The following FER variants were observed in gnomAD, a reference collection of about 807,000 sequenced individuals.
The protein encoded by FER is FER tyrosine kinase.
FER carries 63 observed loss-of-function variants against 111.0 expected under a neutral mutation model. That is an observed-to-expected ratio of 0.57 (90% CI 0.46 to 0.70). The LOEUF (loss-of-function observed/expected upper bound fraction) is 0.70, where lower values mean the gene tolerates loss of function less well. Among genes scored for constraint, FER ranks in the 30% least tolerant of loss-of-function variants. FER has a pLI of 0.00. For missense variants in FER, 914 were observed against 954.0 expected (o/e 0.96, Z 0.55); for synonymous variants, 327 against 313.9 (o/e 1.04, Z -0.44).
intron 3 of FER, among the ~76,000 whole-genome samples, chr5:108,827,815 T>C (rs1289007984): frequency 1.5e-5 from 2 of 137,574 alleles, no homozygotes; most frequent in Admixed American, 1.7e-4. Context: ...ACAGATGGAG[T>C]TAGTATCTTT....
chr5:108,771,232 C>T (rs1052016466), intron 2 of FER, among the ~76,000 whole-genome samples: 1 of 152,122 alleles, frequency 6.6e-6, no homozygotes, highest in Admixed American at 6.5e-5. Context: ...CCATGCCCGG[C>T]CCCTCTGAAG....
At chr5:109,122,979 G>T (rs569148524) in intron 17 of FER, among the ~76,000 whole-genome samples, 3 of 151,954 alleles carry the variant, frequency 2.0e-5, no homozygotes, top group South Asian at 2.1e-4. Context: ...TGTTTTTCTT[G>T]TAGGCAATAG....
intron 12 of FER, among the ~76,000 whole-genome samples, chr5:108,956,897 T>C (rs1758501805): frequency 6.6e-6 from 1 of 151,630 alleles, no homozygotes; most frequent in African/African-American, 2.4e-5. Context: ...TTAACAGATA[T>C]TTAATGAGTG....
chr5:108,850,338 T>C (rs1362449660), intron 5 of FER, among the ~76,000 whole-genome samples: 1 of 152,206 alleles, frequency 6.6e-6, no homozygotes, highest in East Asian at 1.9e-4. Flanking sequence ...TAAATTAATC[T>C]GAGGATTCCA....
chr5:109,075,669 C>T lies in FER; in HGVS notation c.1925-24727C>T, dbSNP rs1407272337. Among the ~76,000 whole-genome samples the T allele has an allele frequency of 2.0e-5, 3 of 152,046 alleles. No homozygotes were observed. In the East Asian group the frequency reaches 5.8e-4, roughly 29 times the overall value. ...CAATCTCCTGACCTCGTGATCCACC[C>T]TCCTTGGCCTCCCAAAGTGCTGGGA... On this transcript the variant is annotated intron_variant, in intron 16 of 19. Coordinates refer to ENST00000281092, the MANE Select transcript of FER (RefSeq NM_005246.4).
chr5:108,987,727 A>G (rs1322076971), intron 13 of FER, among the ~76,000 whole-genome samples: 2 of 152,138 alleles, frequency 1.3e-5, no homozygotes, highest in Non-Finnish European at 2.9e-5. Flanking sequence ...ATACAATCAT[A>G]TCATTAGCAA....
chr5:108,958,926 T>G (rs951144123), intron 12 of FER, among the ~76,000 whole-genome samples: 1 of 151,904 alleles, frequency 6.6e-6, no homozygotes, highest in East Asian at 1.9e-4. Context: ...TTTAGCAAAA[T>G]GCATTTCAGG....
intron 17 of FER, among the ~76,000 whole-genome samples, chr5:109,160,386 C>G (rs1354052152): frequency 6.6e-6 from 1 of 151,810 alleles, no homozygotes; most frequent in East Asian, 1.9e-4. Flanking sequence ...TCTCCTTTCT[C>G]TATTAGTATA....
At chr5:108,975,064 A>G (rs1206713472) in intron 13 of FER, among the ~76,000 whole-genome samples, 5 of 152,228 alleles carry the variant, frequency 3.3e-5, no homozygotes, top group African/African-American at 7.2e-5. Flanking sequence ...ATGGAATACT[A>G]TGGAGCCATA....
At chr5:108,948,402 A>G (rs1191139791) in intron 11 of FER, among the ~76,000 whole-genome samples, 1 of 152,126 alleles carries the variant, frequency 6.6e-6, no homozygotes, top group Non-Finnish European at 1.5e-5. Flanking sequence ...AATATGTTAT[A>G]TCAGCTACAA....
intron 17 of FER, among the ~76,000 whole-genome samples, chr5:109,111,681 C>G (rs1357379389): frequency 2.0e-5 from 3 of 152,132 alleles, no homozygotes; most frequent in Non-Finnish European, 4.4e-5. Context: ...AACTTACAAT[C>G]ATGGCAGAAG....
Position 108,911,241 on chromosome 5 carries a change from A to G in FER, c.1236+13393A>G, listed in dbSNP as rs140683448. Among the ~76,000 whole-genome samples, 103 of 152,134 alleles carry G rather than the reference A, an allele frequency of 6.8e-4. 1 individual carries two copies. In the East Asian group the frequency reaches 0.017, roughly 25 times the overall value. On this transcript the variant is annotated intron_variant, in intron 10 of 19. Transcript: ENST00000281092. ...GATTAGTGATGTTGAGGTTTTTTTC[A>G]TATATTTCTTGGTCATGTGTATGTC...
At chr5:108,767,456 G>A (rs1375373761) in intron 1 of FER, among the ~76,000 whole-genome samples, 1 of 152,142 alleles carries the variant, frequency 6.6e-6, no homozygotes, top group Non-Finnish European at 1.5e-5. Flanking sequence ...ATTTTAACAA[G>A]CATAATCACT....
rs926674918 is a variant in FER, at chr5:109,193,416, C to G, written c.*5841C>G. The stretch of plus-strand genomic sequence containing the variant: ...ACAGATTTAGCTTCCCACTTGTCAG[C>G]AAATTTGTAAAAACCTCAAAACAAA... On this transcript the variant is annotated 3_prime_UTR_variant, in exon 20 of 20. Coordinates refer to ENST00000281092, the MANE Select transcript of FER (RefSeq NM_005246.4). 3 of 152,112 alleles carry G rather than the reference C, an allele frequency of 2.0e-5. No homozygotes were observed. Among genetic ancestry groups the G allele is most frequent in the Non-Finnish European group, 4.4e-5 (3 of 68,018 alleles). 9.4% of individuals were successfully genotyped at this position (152,112 alleles called of 1,614,324 possible).
intron 17 of FER, among the ~76,000 whole-genome samples, chr5:109,111,983 T>C (rs1158105956): frequency 3.9e-5 from 6 of 152,208 alleles, no homozygotes; most frequent in Non-Finnish European, 5.9e-5. Flanking sequence ...ACACATATTT[T>C]TATTATAGAA....
chr5:108,760,447 A>G (rs1390501168), intron 1 of FER, among the ~76,000 whole-genome samples: 1 of 152,204 alleles, frequency 6.6e-6, no homozygotes, highest in Non-Finnish European at 1.5e-5. Context: ...TGAAAGTCCC[A>G]GATGACATTT....
intron 3 of FER, 21 bp from the exon 4 acceptor site, chr5:108,832,749 T>TG (rs745596938): frequency 8.4e-6 from 12 of 1,427,988 alleles, no homozygotes; most frequent in African/African-American, 5.9e-5. Flanking sequence ...AATGTTTGTT[T>TG]CTTTTTTTTT....
At chr5:108,839,572 C>CTTTTTTTTT (rs1232820003) in intron 5 of FER, among the ~76,000 whole-genome samples, 2 of 94,736 alleles carry the variant, frequency 2.1e-5, no homozygotes, top group Non-Finnish European at 4.1e-5. Context: ...ATGCCATTTT[C>CTTTTTTTTT]TTTTTTTTTT....
intron 13 of FER, among the ~76,000 whole-genome samples, chr5:108,996,463 T>G (rs1385772183): frequency 6.6e-6 from 1 of 152,170 alleles, no homozygotes; most frequent in African/African-American, 2.4e-5. Flanking sequence ...GGGGTCCAGT[T>G]TCAGTTTTCT....
Sources: gnomAD v4.1 joint callset for allele counts (sites outside exome capture counted in the v4.1 genomes callset) on GRCh38, gnomAD v4.1.1 for gene constraint, MANE v1.5 for transcripts, NCBI Gene and HGNC (gene_info 2026-07-23, HGNC 2026-07-21) for gene names.